The following TP53BP1 variants were observed in gnomAD, a reference collection of about 807,000 sequenced individuals.
The protein encoded by TP53BP1 is tumor protein p53 binding protein 1.
Under a neutral mutation model 200.8 loss-of-function variants are expected in TP53BP1, and 61 were observed. The ratio of observed to expected loss-of-function variants is 0.30; its 90% CI spans 0.25 to 0.38. The LOEUF is 0.38. Ranked by LOEUF, TP53BP1 falls within the 10% of genes least tolerant of loss-of-function variation. The pLI, the probability that TP53BP1 is intolerant of heterozygous loss-of-function variation, is 1.00. For missense variants in TP53BP1, 2,144 were observed against 2,371.9 expected (o/e 0.90, Z 2.00); for synonymous variants, 822 against 844.3 (o/e 0.97, Z 0.46).
chr15:43,449,952 A>C (rs770580131), intron 12 of TP53BP1, among the ~76,000 whole-genome samples: 3 of 152,252 alleles, frequency 2.0e-5, no homozygotes, highest in Non-Finnish European at 4.4e-5. Flanking sequence ...AACTATTGCC[A>C]AATCCTTAAA....
chr15:43,428,054 A>C lies in TP53BP1; in HGVS notation c.3790T>G (p.Tyr1264Asp), dbSNP rs771431780. ...LVTRVITDVYYVDGTEVERKV... is the reference protein window; with the variant it reads ...LVTRVITDVYDVDGTEVERKV... ...CTTTCTACTTCTGTTCCATCCACAT[A>C]ATACACATCTGTAATGACACGAGTG... Residue 1264 changes from tyrosine to aspartate, a missense_variant, in exon 18 of 28, where the codon TAT becomes GAT. Physicochemically the swap from Tyr to Asp is radical, Grantham distance 160. Transcript: ENST00000382044. The C allele has an allele frequency of 1.2e-6, 2 of 1,612,846 alleles. No individual in the cohort carries two copies. Among genetic ancestry groups the C allele is most frequent in the Non-Finnish European group, 1.7e-6 (2 of 1,178,994 alleles).
chr15:43,462,710 A>G (rs1169153218), intron 11 of TP53BP1, among the ~76,000 whole-genome samples: 1 of 152,232 alleles, frequency 6.6e-6, no homozygotes, highest in African/African-American at 2.4e-5. Context: ...ACGTAAAGCT[A>G]TAAATACCTT....
At chr15:43,454,941 G>T (rs2045421069) in intron 12 of TP53BP1, among the ~76,000 whole-genome samples, 1 of 151,942 alleles carries the variant, frequency 6.6e-6, no homozygotes, top group Admixed American at 6.6e-5. Flanking sequence ...TGTTAGCCAG[G>T]CTGGTCTCAA....
chr15:43,492,941 T>G, intron 1 of TP53BP1, 96 bp downstream of exon 1: 1 of 761,854 alleles, frequency 1.3e-6, no homozygotes, highest in Non-Finnish European at 1.9e-6. Context: ...ACCGCCGCCA[T>G]GCTTGCCACC....
Position 43,409,753 on chromosome 15 carries a change from A to T in TP53BP1, c.5306-12T>A, listed in dbSNP as rs949497938. 7.2e-7 allele frequency: 1 copy of T among 1,385,736 alleles called. No homozygotes were observed. Among genetic ancestry groups the T allele is most frequent in the Non-Finnish European group, 9.9e-7 (1 of 1,011,360 alleles). 85.8% of individuals were successfully genotyped at this position (1,385,736 alleles called of 1,614,324 possible). On this transcript the variant is annotated splice_polypyrimidine_tract_variant and intron_variant, in intron 24 of 27. Transcript: ENST00000382044. ...AATTTCCAAAAATTCTATATTAAAAAAAAAAACCAAGATAATAATTACTGA... is the reference window on the plus strand; with the variant it reads ...AATTTCCAAAAATTCTATATTAAAATAAAAAACCAAGATAATAATTACTGA...
Position 43,456,706 on chromosome 15 carries a change from C to T in TP53BP1, c.1902G>A (p.Pro634=), listed in dbSNP as rs749593404. 21 of 1,613,968 alleles carry T rather than the reference C, an allele frequency of 1.3e-5. No homozygotes were observed. Among genetic ancestry groups the T allele is most frequent in the East Asian group, 4.5e-5 (2 of 44,890 alleles). The part of the protein sequence containing the change: ...LTCDSGSQAV[P]SPATRSEALS... ...GTGCCTCAGATCGAGTAGCTGGTGACGGAACTGCCTGACTCCCCGAATCAC... is the reference window on the plus strand; with the variant it reads ...GTGCCTCAGATCGAGTAGCTGGTGATGGAACTGCCTGACTCCCCGAATCAC... Residue 634 remains proline, a synonymous_variant, in exon 12 of 28, where the codon CCG becomes CCA. Transcript: ENST00000382044.
chr15:43,450,779 T>C (rs1056167711), intron 12 of TP53BP1, among the ~76,000 whole-genome samples: 3 of 152,192 alleles, frequency 2.0e-5, no homozygotes, highest in Non-Finnish European at 4.4e-5. Flanking sequence ...ACTCACTCTC[T>C]CTTTTCCTTC....
In TP53BP1 at chr15:43,406,440, G is replaced by A. The variant is rs2044882085; in HGVS notation, c.*943C>T. 1 of 349,930 alleles carries A rather than the reference G, an allele frequency of 2.9e-6. No individual in the cohort carries two copies. Among genetic ancestry groups the A allele is most frequent in the Admixed American group, 3.5e-5 (1 of 28,876 alleles). The allele number at this position is 349,930 out of a possible 1,614,324, so 21.7% of individuals were successfully genotyped here. On this transcript the variant is annotated 3_prime_UTR_variant, in exon 28 of 28. Transcript: ENST00000382044. ...CTGGAGCAGGAGCTGGCAAACTATGGCCTGCTGTCTGTTTTTGTACAGTTT... is the reference window on the plus strand; with the variant it reads ...CTGGAGCAGGAGCTGGCAAACTATGACCTGCTGTCTGTTTTTGTACAGTTT...
At position 43,460,043 on chromosome 15, in the gene TP53BP1, G is replaced by T. The variant is rs12592757; in HGVS notation, c.1390-2825C>A. On this transcript the variant is annotated intron_variant, in intron 11 of 27. Coordinates refer to ENST00000382044, the MANE Select transcript of TP53BP1 (RefSeq NM_001141980.3). The stretch of plus-strand genomic sequence containing the variant: ...GCTCTCTACTTTGATGGTGGTGATG[G>T]TTACACAGCTGTATACATTTGCCAA... Among the ~76,000 whole-genome samples the T allele has an allele frequency of 1.1e-3, 165 of 152,106 alleles. 3 individuals carry two copies. The East Asian group carries it at 0.027, about 25-fold the overall frequency.
chr15:43,475,479 A>G (rs1006291409), intron 9 of TP53BP1, 86 bp downstream of exon 9: 4 of 1,475,320 alleles, frequency 2.7e-6, no homozygotes, highest in East Asian at 2.3e-5. Flanking sequence ...ATTCTAGACT[A>G]GCAGATAAGT....
At chr15:43,495,481 A>C (rs893256932), upstream of TP53BP1, among the ~76,000 whole-genome samples, 1 of 144,152 alleles carries the variant, frequency 6.9e-6, no homozygotes, top group African/African-American at 2.7e-5. Flanking sequence ...CGTGGGCAGC[A>C]GAGTGAGACT....
At chr15:43,462,130 G>A (rs565522052) in intron 11 of TP53BP1, among the ~76,000 whole-genome samples, 6 of 139,122 alleles carry the variant, frequency 4.3e-5, no homozygotes, top group African/African-American at 1.0e-4. Context: ...TCAGGAGTTC[G>A]AGACCAGCCT....
At position 43,456,052 on chromosome 15, in the gene TP53BP1, G is replaced by A. The variant is rs776362336; in HGVS notation, c.2556C>T (p.Asp852=). 2.5e-5 allele frequency: 40 copies of A among 1,614,186 alleles called. No homozygotes were observed. The East Asian group carries it at 4.0e-4, about 16-fold the overall frequency. ...LVRADDPLRL[D]QELQQPQTQE... ...GAGTTTGGGGCTGCTGCAACTCCTG[G>A]TCAAGTCTTAAAGGATCATCTGCTC... Residue 852 remains aspartate (D), a synonymous_variant, in exon 12 of 28, where the codon GAC becomes GAT. Transcript: ENST00000382044.
Position 43,407,213 on chromosome 15 carries a change from G to A in TP53BP1, c.*170C>T. On this transcript the variant is annotated 3_prime_UTR_variant, in exon 28 of 28. Transcript: ENST00000382044. ...CAAAAAAACAGATGAAGAAATCCCA[G>A]TTACTACAACCAAAGAGATTCAACA... is the stretch of plus-strand genomic sequence containing the variant. The A allele has an allele frequency of 1.6e-6, 1 of 614,314 alleles. No homozygotes were observed. 38.1% of individuals were successfully genotyped at this position (614,314 alleles called of 1,614,324 possible).
chr15:43,446,616 G>GA, intron 13 of TP53BP1, 26 bp from the exon 14 acceptor site: 1 of 1,595,572 alleles, frequency 6.3e-7, no homozygotes, highest in Non-Finnish European at 8.5e-7. Flanking sequence ...CAGGGAGGAA[G>GA]AAAAAAAGAA....
rs773031644 is a variant in TP53BP1, at chr15:43,409,750, A to T, written c.5306-9T>A. The stretch of plus-strand genomic sequence containing the variant: ...AGGAATTTCCAAAAATTCTATATTA[A>T]AAAAAAAAACCAAGATAATAATTAC... On this transcript the variant is annotated splice_polypyrimidine_tract_variant and intron_variant, in intron 24 of 27. Coordinates refer to ENST00000382044, the MANE Select transcript of TP53BP1 (RefSeq NM_001141980.3). 9 of 1,281,582 alleles carry T rather than the reference A, an allele frequency of 7.0e-6. No individual in the cohort carries two copies. Among genetic ancestry groups the T allele is most frequent in the Non-Finnish European group, 9.5e-6 (9 of 949,706 alleles). 79.4% of individuals were successfully genotyped at this position (1,281,582 alleles called of 1,614,324 possible).
chr15:43,440,964 T>C (rs2045913487), intron 15 of TP53BP1, among the ~76,000 whole-genome samples: 1 of 152,204 alleles, frequency 6.6e-6, no homozygotes, highest in Non-Finnish European at 1.5e-5. Flanking sequence ...TCAGGCTGGA[T>C]GACTCATGCC....
At chr15:43,441,631 T>C (rs576673138) in intron 14 of TP53BP1, 48 bp from the exon 15 acceptor site, 3 of 1,333,878 alleles carry the variant, frequency 2.2e-6, no homozygotes, top group African/African-American at 2.9e-5. Context: ...AAACAGAATT[T>C]AGTTAGTATC....
At chr15:43,496,182 G>T (rs2140168269), upstream of TP53BP1, among the ~76,000 whole-genome samples, 1 of 152,292 alleles carries the variant, frequency 6.6e-6, no homozygotes, top group East Asian at 1.9e-4. Context: ...TTGCTTTAAA[G>T]TTTAACAAAC....
Sources: gnomAD v4.1 joint callset for allele counts (sites outside exome capture counted in the v4.1 genomes callset) on GRCh38, gnomAD v4.1.1 for gene constraint, MANE v1.5 for transcripts, NCBI Gene and HGNC (gene_info 2026-07-23, HGNC 2026-07-21) for gene names.